The following TNKS variants were observed in gnomAD, a reference collection of about 807,000 sequenced individuals.
The protein encoded by TNKS is tankyrase.
TNKS carries 72 observed loss-of-function variants against 135.8 expected under a neutral mutation model. That is an observed-to-expected ratio of 0.53 (90% confidence interval 0.44 to 0.64). The LOEUF is 0.64. Among genes scored for constraint, TNKS ranks in the 30% least tolerant of loss-of-function variants. TNKS has a pLI of 0.00. For missense variants in TNKS, 1,769 were observed against 1,674.0 expected (o/e 1.06, Z -0.99); for synonymous variants, 849 against 649.3 (o/e 1.31, Z -4.68).
At chr8:9,764,891 G>T (rs1807342439) in intron 23 of TNKS, 101 bp downstream of exon 23, 3 of 896,088 alleles carry the variant, frequency 3.3e-6, no homozygotes, top group African/African-American at 1.7e-5. Context: ...TTTTCAAACT[G>T]TGAAAGATAA....
chr8:9,588,012 A>G (rs1798453486), intron 2 of TNKS, among the ~76,000 whole-genome samples: 1 of 152,200 alleles, frequency 6.6e-6, no homozygotes, highest in Non-Finnish European at 1.5e-5. Flanking sequence ...CAAGAATGAT[A>G]CTTGTAAGAA....
chr8:9,762,665 G>A (rs1807206652), intron 21 of TNKS, among the ~76,000 whole-genome samples: 1 of 152,162 alleles, frequency 6.6e-6, no homozygotes, highest in African/African-American at 2.4e-5. Flanking sequence ...CACTTTGGGA[G>A]GCCGAGGCAG....
At chr8:9,610,767 T>A (rs1225512811) in intron 2 of TNKS, among the ~76,000 whole-genome samples, 1 of 152,234 alleles carries the variant, frequency 6.6e-6, no homozygotes, top group African/African-American at 2.4e-5. Context: ...TGCTACATTT[T>A]TAGCTTGGAA....
chr8:9,556,934 C>G, intron 1 of TNKS: 1 of 497,974 alleles, frequency 2.0e-6, no homozygotes, highest in Non-Finnish European at 3.5e-6. Flanking sequence ...ATTTGGACAG[C>G]TTTAGAGTAG....
chr8:9,639,549 T>C (rs1800646112), intron 3 of TNKS, among the ~76,000 whole-genome samples: 1 of 151,754 alleles, frequency 6.6e-6, no homozygotes, highest in Non-Finnish European at 1.5e-5. Flanking sequence ...TGGTTTTTCC[T>C]GAGTAGCTTT....
chr8:9,580,395 T>C lies in TNKS; in HGVS notation c.898+12T>C. The C allele has an allele frequency of 3.1e-6, 5 of 1,605,650 alleles. No homozygotes were observed. The highest frequency in any genetic ancestry group is 4.3e-6 in the Non-Finnish European group (5 of 1,173,296). On this transcript the variant is annotated intron_variant, in intron 2 of 26. Coordinates refer to ENST00000310430, the MANE Select transcript of TNKS (RefSeq NM_003747.3). ...CGATGTGTGCATTGGTAAGTATCAT[T>C]TGATGATATCTAAATTTTAAATAAA... is the stretch of plus-strand genomic sequence containing the variant.
At chr8:9,571,395 G>A (rs867873499) in intron 1 of TNKS, among the ~76,000 whole-genome samples, 1 of 152,152 alleles carries the variant, frequency 6.6e-6, no homozygotes, top group East Asian at 1.9e-4. Flanking sequence ...GATATACTGT[G>A]TTTGTTTTGA....
intron 3 of TNKS, among the ~76,000 whole-genome samples, chr8:9,627,881 A>G (rs962162827): frequency 6.6e-6 from 1 of 151,972 alleles, no homozygotes; most frequent in East Asian, 1.9e-4. Flanking sequence ...TACTTTTTTC[A>G]TATTTCATTG....
intron 3 of TNKS, among the ~76,000 whole-genome samples, chr8:9,619,882 T>C (rs1168618715): frequency 6.6e-6 from 1 of 151,834 alleles, no homozygotes; most frequent in African/African-American, 2.4e-5. Flanking sequence ...AAATGCTCTG[T>C]ACCCTGACCA....
chr8:9,771,179 A>G (rs988063957), intron 26 of TNKS, among the ~76,000 whole-genome samples: 33 of 145,732 alleles, frequency 2.3e-4, no homozygotes, highest in Middle Eastern at 7.0e-3. Context: ...GGAGGGAGAG[A>G]AGAGAGGAAG....
At chr8:9,742,572 G>T (rs1454568492) in intron 17 of TNKS, among the ~76,000 whole-genome samples, 1 of 151,634 alleles carries the variant, frequency 6.6e-6, no homozygotes, top group Non-Finnish European at 1.5e-5. Flanking sequence ...TAGACTTAAA[G>T]TAAGGCTAGG....
At chr8:9,627,080 TAGTTTAATC>T (rs1262030283) in intron 3 of TNKS, among the ~76,000 whole-genome samples, 2 of 151,986 alleles carry the variant, frequency 1.3e-5, no homozygotes, top group Non-Finnish European at 1.5e-5. Flanking sequence ...CAGTGGCCAG[TAGTTTAATC>T]AGTTGTGCCT....
At chr8:9,669,424 CAAA>C (rs536063027) in intron 3 of TNKS, among the ~76,000 whole-genome samples, 53 of 94,858 alleles carry the variant, frequency 5.6e-4, no homozygotes, top group Middle Eastern at 5.2e-3. Flanking sequence ...GACTCCGCCT[CAAA>C]AAAAAAAAAA....
At chr8:9,628,811 C>T (rs1800169530) in intron 3 of TNKS, among the ~76,000 whole-genome samples, 1 of 152,170 alleles carries the variant, frequency 6.6e-6, no homozygotes, top group Non-Finnish European at 1.5e-5. Flanking sequence ...GATGTCTCAA[C>T]CTTAACATGG....
rs111769915 is a variant in TNKS, at chr8:9,616,630, G to A, written c.994+953G>A. 1.9e-3 allele frequency among the ~76,000 whole-genome samples: 289 copies of A among 152,242 alleles called. 3 individuals are homozygous for A. Among genetic ancestry groups the A allele is most frequent in the African/African-American group, 6.3e-3 (261 of 41,544 alleles). Reference sequence around the variant, plus strand: ...AAGGGAAAACGTTTATGTACAGAAAGCTTTGAAAATCTATGGAATTTTGCT... The same window carrying A: ...AAGGGAAAACGTTTATGTACAGAAAACTTTGAAAATCTATGGAATTTTGCT... On this transcript the variant is annotated intron_variant, in intron 3 of 26. Transcript: ENST00000310430.
intron 2 of TNKS, among the ~76,000 whole-genome samples, chr8:9,581,974 A>T (rs1278146159): frequency 6.6e-6 from 1 of 152,210 alleles, no homozygotes; most frequent in Non-Finnish European, 1.5e-5. Flanking sequence ...AGGCTTTGGC[A>T]CATATTGTCT....
chr8:9,564,647 A>G (rs1389864807), intron 1 of TNKS, among the ~76,000 whole-genome samples: 1 of 152,066 alleles, frequency 6.6e-6, no homozygotes, highest in Admixed American at 6.5e-5. Flanking sequence ...TTACCTTTTT[A>G]TTTTTCCCCA....
chr8:9,742,321 T>C (rs1175079682), intron 17 of TNKS, among the ~76,000 whole-genome samples: 1 of 147,506 alleles, frequency 6.8e-6, no homozygotes, highest in Admixed American at 6.8e-5. Context: ...TTAATTACCT[T>C]TTTTTTTTTT....
chr8:9,756,672 C>A (rs149415287), intron 20 of TNKS, among the ~76,000 whole-genome samples: 120 of 152,224 alleles, frequency 7.9e-4, no homozygotes, highest in African/African-American at 2.7e-3. Flanking sequence ...ATTTCTATTT[C>A]TTTTGTTGAT....
Sources: allele counts gnomAD v4.1 joint callset (sites outside exome capture counted in the v4.1 genomes callset), GRCh38; gene constraint gnomAD v4.1.1; transcripts MANE v1.5; gene names NCBI Gene and HGNC (gene_info 2026-07-23, HGNC 2026-07-21).